EYS: variants seen among roughly 807,000 people sequenced by gnomAD.
EYS encodes the protein protein eyes shut homolog.
EYS carries 250 observed loss-of-function variants against 282.1 expected under a neutral mutation model. The observed-to-expected ratio is 0.89, with a 90% CI of 0.80 to 0.98. The LOEUF (loss-of-function observed/expected upper bound fraction) is 0.98. Among genes scored for constraint, EYS ranks in the 50% least tolerant of loss-of-function variants. The pLI, the probability that EYS is intolerant of heterozygous loss-of-function variation, is 0.00. For synonymous variants in EYS, 1,355 were observed against 1,282.9 expected (o/e 1.06, Z -1.20); for missense variants, 4,016 against 3,709.0 (o/e 1.08, Z -2.15).
intron 12 of EYS, among the ~76,000 whole-genome samples, chr6:65,097,514 T>C (rs77461647): frequency 0.013 from 1,993 of 151,014 alleles, 55 homozygotes; most frequent in African/African-American, 0.046. Context: ...TCCAAAATAA[T>C]TGAAATCAGG....
chr6:65,288,960 A>G (rs1768446623), intron 12 of EYS, among the ~76,000 whole-genome samples: 1 of 151,042 alleles, frequency 6.6e-6, no homozygotes, highest in African/African-American at 2.4e-5. Context: ...TAAAGGGGAA[A>G]TTGGACAGAC....
At chr6:64,688,536 GAGT>G (rs1770246113) in intron 22 of EYS, among the ~76,000 whole-genome samples, 2 of 152,152 alleles carry the variant, frequency 1.3e-5, no homozygotes, top group African/African-American at 2.4e-5. Flanking sequence ...GAGTGGCTTT[GAGT>G]GAGTTTCTTA....
intron 12 of EYS, among the ~76,000 whole-genome samples, chr6:65,222,220 G>A (rs1766484903): frequency 6.6e-6 from 1 of 152,080 alleles, no homozygotes; most frequent in Non-Finnish European, 1.5e-5. Context: ...GATTTTGCAG[G>A]GGCCAGAGGC....
intron 24 of EYS, among the ~76,000 whole-genome samples, chr6:64,604,347 T>C (rs532249165): frequency 6.6e-6 from 1 of 152,184 alleles, no homozygotes; most frequent in Non-Finnish European, 1.5e-5. Context: ...TAATTGTTAA[T>C]TCAAATCAGT....
chr6:65,209,347 T>C (rs1462569926), intron 12 of EYS, among the ~76,000 whole-genome samples: 1 of 151,502 alleles, frequency 6.6e-6, no homozygotes, highest in African/African-American at 2.4e-5. Flanking sequence ...CCAAGCTTTC[T>C]GCTATATTAA....
intron 29 of EYS, among the ~76,000 whole-genome samples, chr6:64,322,231 G>T (rs536925388): frequency 6.6e-6 from 1 of 151,988 alleles, no homozygotes; most frequent in African/African-American, 2.4e-5. Flanking sequence ...CTCAGAAAAG[G>T]TGTGCTTTAA....
intron 22 of EYS, among the ~76,000 whole-genome samples, chr6:64,707,439 G>A (rs1771062586): frequency 6.6e-6 from 1 of 152,048 alleles, no homozygotes. Flanking sequence ...GGAGACCGAG[G>A]TGGGCGGGTC....
intron 35 of EYS, among the ~76,000 whole-genome samples, chr6:63,957,439 T>C (rs1346603031): frequency 7.1e-6 from 1 of 140,718 alleles, no homozygotes; most frequent in Non-Finnish European, 1.6e-5. Flanking sequence ...CTACCAGTAT[T>C]GATTTTGGGG....
In EYS at chr6:65,136,448, CGA is replaced by C. The variant is rs1323616219; in HGVS notation, c.2024-78723_2024-78722del. On this transcript the variant is annotated intron_variant, in intron 12 of 42. Coordinates refer to ENST00000503581, the MANE Select transcript of EYS (RefSeq NM_001142800.2). ...TCTAATAGGACTATCTGAGCTACTT[CGA>C]GAAAACTAGCAAGGTCTACCCTGAA... 2.6e-5 allele frequency among the ~76,000 whole-genome samples: 4 copies of C among 151,880 alleles called. No homozygotes were observed. In the East Asian group the frequency reaches 7.7e-4, roughly 29 times the overall value.
intron 1 of EYS, among the ~76,000 whole-genome samples, chr6:65,669,245 T>C (rs1035556952): frequency 1.3e-5 from 2 of 151,934 alleles, no homozygotes; most frequent in African/African-American, 4.8e-5. Flanking sequence ...TGTGGACTCA[T>C]TGGTGAATCC....
chr6:64,472,639 C>T (rs1181232773), intron 26 of EYS, among the ~76,000 whole-genome samples: 8 of 152,076 alleles, frequency 5.3e-5, no homozygotes, highest in Middle Eastern at 3.4e-3. Flanking sequence ...TTTAGAAAAA[C>T]GATGTATTAC....
intron 33 of EYS, among the ~76,000 whole-genome samples, chr6:64,021,042 T>C (rs918061877): frequency 3.3e-5 from 5 of 152,126 alleles, no homozygotes; most frequent in Admixed American, 6.6e-5. Context: ...ATTATTACTA[T>C]AGTCTTCCTA....
intron 36 of EYS, among the ~76,000 whole-genome samples, chr6:63,808,704 C>G (rs968804970): frequency 6.6e-6 from 1 of 152,120 alleles, no homozygotes; most frequent in Non-Finnish European, 1.5e-5. Context: ...ATAATGAAGA[C>G]TGATGATAAC....
rs77679975 is a variant in EYS, at chr6:65,086,809, C to G, written c.2024-29082G>C. Reference sequence around the variant, plus strand: ...GTGTGGTGGTGTGTGTGTATATAAACATTTGTAAATATGTATATGTGGGTT... The same window carrying G: ...GTGTGGTGGTGTGTGTGTATATAAAGATTTGTAAATATGTATATGTGGGTT... On this transcript the variant is annotated intron_variant, in intron 12 of 42. Coordinates refer to ENST00000503581, the MANE Select transcript of EYS (RefSeq NM_001142800.2). Among the ~76,000 whole-genome samples, 986 of 151,494 alleles carry G rather than the reference C, an allele frequency of 6.5e-3. 11 individuals are homozygous for G. The highest frequency in any genetic ancestry group is 0.022 in the African/African-American group (928 of 41,384).
intron 11 of EYS, among the ~76,000 whole-genome samples, chr6:65,308,891 G>A (rs551560197): frequency 6.6e-6 from 1 of 151,564 alleles, no homozygotes; most frequent in African/African-American, 2.4e-5. Context: ...TCCAAGACTA[G>A]AAAACCAGTT....
At chr6:64,232,579 C>T (rs1241459737) in intron 30 of EYS, among the ~76,000 whole-genome samples, 1 of 152,132 alleles carries the variant, frequency 6.6e-6, no homozygotes, top group African/African-American at 2.4e-5. Context: ...TCAGTATAGA[C>T]GGGGTTTCCC....
At chr6:64,191,498 TC>T (rs1347624499) in intron 31 of EYS, among the ~76,000 whole-genome samples, 1 of 132,912 alleles carries the variant, frequency 7.5e-6, no homozygotes, top group Non-Finnish European at 1.6e-5. Context: ...CCCAAAACAG[TC>T]CCCAGAGTGT....
intron 12 of EYS, among the ~76,000 whole-genome samples, chr6:65,292,154 A>G (rs1768544645): frequency 1.3e-5 from 2 of 151,888 alleles, no homozygotes; most frequent in East Asian, 1.9e-4. Flanking sequence ...CAACGGGCTT[A>G]TATAATATCT....
chr6:64,778,285 C>G (rs1052836591), intron 22 of EYS, among the ~76,000 whole-genome samples: 16 of 152,166 alleles, frequency 1.1e-4, no homozygotes, highest in Non-Finnish European at 2.1e-4. Context: ...AGAGGAGACA[C>G]ATTTGAATTG....
Sources: allele counts gnomAD v4.1 joint callset (sites outside exome capture counted in the v4.1 genomes callset), GRCh38; gene constraint gnomAD v4.1.1; transcripts MANE v1.5; gene names NCBI Gene and HGNC (gene_info 2026-07-23, HGNC 2026-07-21).